PHF11: variants seen among roughly 807,000 people sequenced by gnomAD.
The protein encoded by PHF11 is BRCA1 C-terminus-associated protein.
PHF11 carries 38 observed loss-of-function variants against 40.5 expected under a neutral mutation model. The ratio of observed to expected loss-of-function variants is 0.94; its 90% CI spans 0.72 to 1.23. The LOEUF is 1.23. Ranked by LOEUF, PHF11 falls within the 50% of genes most tolerant of loss-of-function variation. PHF11 has a pLI of 0.00. For synonymous variants in PHF11, 127 were observed against 138.2 expected (o/e 0.92, Z 0.57); for missense variants, 369 against 392.4 (o/e 0.94, Z 0.50).
At chr13:49,510,930 C>T (rs1052415012) in intron 2 of PHF11, among the ~76,000 whole-genome samples, 4 of 152,334 alleles carry the variant, frequency 2.6e-5, no homozygotes, top group South Asian at 4.1e-4. Flanking sequence ...ACCACTACCA[C>T]CATCAAGATA....
In PHF11 at chr13:49,501,000, G is replaced by GTTTTTTTTTTTTTTTTTTTT. The variant is rs1206782081; in HGVS notation, c.94+4920_94+4921insTTTTTTTTTTTTTTTTTTTT. 1.2e-4 allele frequency among the ~76,000 whole-genome samples: 6 copies of GTTTTTTTTTTTTTTTTTTTT among 51,310 alleles called. 1 individual carries two copies. The highest frequency in any genetic ancestry group is 1.5e-4 in the Non-Finnish European group (4 of 27,304). 33.7% of individuals were successfully genotyped at this position (51,310 alleles called of 152,430 possible). ...TTTAATTTGGGAGTCACCAACTTTT[G>GTTTTTTTTTTTTTTTTTTTT]TTTTTTTTTTTTTTTGGTTTTTTTT... On this transcript the variant is annotated intron_variant, in intron 1 of 9. Coordinates refer to ENST00000378319, the MANE Select transcript of PHF11 (RefSeq NM_001040443.3).
chr13:49,504,045 A>T (rs1007524527), intron 1 of PHF11, among the ~76,000 whole-genome samples: 12 of 152,122 alleles, frequency 7.9e-5, no homozygotes, highest in Non-Finnish European at 1.3e-4. Context: ...TTTTTTAATG[A>T]GGCTCCTAGA....
chr13:49,501,000 G>GGTTTT (rs1958892076), intron 1 of PHF11, among the ~76,000 whole-genome samples: 1 of 51,310 alleles, frequency 1.9e-5, no homozygotes, highest in East Asian at 8.5e-4. Flanking sequence ...ACCAACTTTT[G>GGTTTT]TTTTTTTTTT....
At chr13:49,527,062 A>G (rs1047083642) in intron 9 of PHF11, 1 of 110,522 alleles carries the variant, frequency 9.0e-6, no homozygotes, top group Non-Finnish European at 2.2e-5. Flanking sequence ...CAGAAAAAAA[A>G]AAAACAAAAA....
chr13:49,509,540 A>G (rs1050778867), intron 2 of PHF11, among the ~76,000 whole-genome samples: 4 of 152,078 alleles, frequency 2.6e-5, no homozygotes, highest in Non-Finnish European at 5.9e-5. Flanking sequence ...AAATAAGGTG[A>G]TATGCTTTGG....
chr13:49,528,478 A>C, intron 9 of PHF11, 33 bp from the exon 10 acceptor site: 1 of 1,446,514 alleles, frequency 6.9e-7, no homozygotes, highest in Non-Finnish European at 9.5e-7. Context: ...ACTACTGAAT[A>C]AGCTGAAATA....
chr13:49,515,603 C>T (rs1959142368), intron 3 of PHF11, among the ~76,000 whole-genome samples: 1 of 152,034 alleles, frequency 6.6e-6, no homozygotes, highest in African/African-American at 2.4e-5. Flanking sequence ...CCTCCCAGCC[C>T]AACACCAAGC....
chr13:49,497,804 C>T (rs1007132840), intron 1 of PHF11, among the ~76,000 whole-genome samples: 6 of 152,200 alleles, frequency 3.9e-5, no homozygotes, highest in African/African-American at 9.7e-5. Context: ...ACCCTGCTAC[C>T]TTGTAGGTCC....
chr13:49,513,229 AG>A (rs1959101767), intron 3 of PHF11, 63 bp downstream of exon 3: 6 of 781,060 alleles, frequency 7.7e-6, no homozygotes, highest in Middle Eastern at 2.3e-4. Context: ...TGCATTCCAA[AG>A]GAGTCTATTT....
intron 8 of PHF11, among the ~76,000 whole-genome samples, chr13:49,525,620 A>T (rs1959239057): frequency 6.6e-6 from 1 of 152,238 alleles, no homozygotes; most frequent in African/African-American, 2.4e-5. Context: ...TTTTACAAGG[A>T]CAAGCTGGAC....
intron 6 of PHF11, among the ~76,000 whole-genome samples, chr13:49,522,765 T>G (rs990375680): frequency 6.8e-5 from 4 of 58,452 alleles, no homozygotes; most frequent in African/African-American, 2.1e-4. Context: ...TGGGGTTTTT[T>G]TGTTTTTTTT....
At chr13:49,525,897 G>C (rs1039173561) in intron 8 of PHF11, 1 of 431,666 alleles carries the variant, frequency 2.3e-6, no homozygotes, top group Non-Finnish European at 4.6e-6. Flanking sequence ...GGCCAGGCGC[G>C]GTGGCTCACG....
intron 2 of PHF11, among the ~76,000 whole-genome samples, chr13:49,507,446 C>T (rs866360895): frequency 6.6e-5 from 10 of 152,310 alleles, no homozygotes; most frequent in Middle Eastern, 3.4e-3. Context: ...CTATGACTAA[C>T]AAGTCGTCAT....
intron 1 of PHF11, 161 bp downstream of exon 1, chr13:49,496,256 C>A: frequency 1.5e-6 from 1 of 645,786 alleles, no homozygotes. Flanking sequence ...ACTTGGCTCA[C>A]CACTCGCGTG....
chr13:49,518,924 C>T (rs1001087655), intron 4 of PHF11: 2 of 151,046 alleles, frequency 1.3e-5, no homozygotes, highest in African/African-American at 2.4e-5. Flanking sequence ...CAAGCTCCGC[C>T]TCCCGGGTTC....
At chr13:49,503,377 T>G (rs1056230697) in intron 1 of PHF11, among the ~76,000 whole-genome samples, 1 of 152,232 alleles carries the variant, frequency 6.6e-6, no homozygotes, top group African/African-American at 2.4e-5. Context: ...CAGTTGCACT[T>G]TGTGACACTT....
intron 1 of PHF11, among the ~76,000 whole-genome samples, chr13:49,503,043 A>C (rs1012755986): frequency 1.3e-5 from 2 of 152,028 alleles, no homozygotes; most frequent in African/African-American, 2.4e-5. Flanking sequence ...TTCTTAAACA[A>C]CTTTGTCATC....
chr13:49,513,224 TCC>T, intron 3 of PHF11, 58 bp downstream of exon 3: 1 of 788,454 alleles, frequency 1.3e-6, no homozygotes, highest in South Asian at 1.6e-5. Flanking sequence ...AGGAATGCAT[TCC>T]AAAGGAGTCT....
At chr13:49,527,014 T>C (rs1959326140) in intron 9 of PHF11, among the ~76,000 whole-genome samples, 1 of 151,710 alleles carries the variant, frequency 6.6e-6, no homozygotes, top group Non-Finnish European at 1.5e-5. Flanking sequence ...CTAATTTAAT[T>C]TCTTATCAGG....
Sources: allele counts gnomAD v4.1 joint callset (sites outside exome capture counted in the v4.1 genomes callset), GRCh38; gene constraint gnomAD v4.1.1; transcripts MANE v1.5; gene names NCBI Gene and HGNC (gene_info 2026-07-23, HGNC 2026-07-21).